The following C1QTNF7 variants were observed in gnomAD, a reference collection of about 807,000 sequenced individuals.
The protein encoded by C1QTNF7 is C1q and TNF related 7.
Under a neutral mutation model 19.6 loss-of-function variants are expected in C1QTNF7, and 15 were observed. That is an observed-to-expected ratio of 0.76 (90% CI 0.51 to 1.18). C1QTNF7 has a LOEUF of 1.18. C1QTNF7 is among the 50% of genes most tolerant of loss of function. The pLI is 0.00. For missense variants in C1QTNF7, 324 were observed against 359.7 expected, an observed-to-expected ratio of 0.90 and a Z score of 0.80; for synonymous variants, 142 against 137.5, an observed-to-expected ratio of 1.03 and a Z score of -0.23.
In C1QTNF7 at chr4:15,345,222, A is replaced by G. The variant is rs566979474; in HGVS notation, c.13+5015A>G. Among the ~76,000 whole-genome samples, 235 of 152,294 alleles carry G rather than the reference A, an allele frequency of 1.5e-3. 2 individuals carry two copies. The highest frequency in any genetic ancestry group is 2.3e-3 in the Non-Finnish European group (159 of 68,026). ...CCTTTAACACTAAGGTCAGGCAAAA[A>G]TCCTGGGAGGCATTTCTTCACACCA... On this transcript the variant is annotated intron_variant, in intron 1 of 2. Transcript: ENST00000295297.
intron 1 of C1QTNF7, among the ~76,000 whole-genome samples, chr4:15,342,766 G>A (rs182792096): frequency 6.6e-6 from 1 of 152,258 alleles, no homozygotes; most frequent in Admixed American, 6.5e-5. Context: ...CACTTTCATG[G>A]GTTATTATTA....
At chr4:15,400,786 C>T (rs990581931) in intron 1 of C1QTNF7, among the ~76,000 whole-genome samples, 2 of 152,224 alleles carry the variant, frequency 1.3e-5, no homozygotes, top group African/African-American at 2.4e-5. Context: ...GGTTTATGTA[C>T]TGATGCATAA....
chr4:15,403,683 T>C (rs1279256274), intron 1 of C1QTNF7, among the ~76,000 whole-genome samples: 1 of 152,202 alleles, frequency 6.6e-6, no homozygotes, highest in Non-Finnish European at 1.5e-5. Flanking sequence ...AAATTAAGTT[T>C]GCATTCACAG....
Position 15,403,709 on chromosome 4 carries a change from G to A in C1QTNF7, c.14-32027G>A, listed in dbSNP as rs557897555. ...GCATTCACAGGTTTGGGGTAGACAC[G>A]TCTTTGAGGGGGCTACTATTCAGCC... On this transcript the variant is annotated intron_variant, in intron 1 of 2. Transcript: ENST00000295297. Among the ~76,000 whole-genome samples the A allele has an allele frequency of 2.0e-5, 3 of 152,108 alleles. No individual in the cohort carries two copies. In the East Asian group the frequency reaches 5.8e-4, roughly 29 times the overall value.
chr4:15,416,447 G>T (rs1344400324), intron 1 of C1QTNF7, among the ~76,000 whole-genome samples: 1 of 152,126 alleles, frequency 6.6e-6, no homozygotes, highest in African/African-American at 2.4e-5. Flanking sequence ...ACTACAAAGT[G>T]CAGGCAAACC....
chr4:15,378,873 C>A (rs890539094), intron 1 of C1QTNF7, among the ~76,000 whole-genome samples: 1 of 152,196 alleles, frequency 6.6e-6, no homozygotes, highest in Non-Finnish European at 1.5e-5. Flanking sequence ...TAGTGGCCTA[C>A]TCAAAATGAA....
At chr4:15,400,228 T>C (rs1327757644) in intron 1 of C1QTNF7, among the ~76,000 whole-genome samples, 1 of 152,240 alleles carries the variant, frequency 6.6e-6, no homozygotes, top group African/African-American at 2.4e-5. Context: ...AATAAACAAC[T>C]TGACTGAAAA....
chr4:15,376,341 C>G (rs150428777), intron 1 of C1QTNF7, among the ~76,000 whole-genome samples: 2 of 152,206 alleles, frequency 1.3e-5, no homozygotes, highest in Non-Finnish European at 2.9e-5. Context: ...GAGCATTTGT[C>G]GTGTGCTGGG....
Position 15,435,719 on chromosome 4 carries a change from G to T in C1QTNF7, c.-8-17G>T, listed in dbSNP as rs1712501500. 6.2e-7 allele frequency: 1 copy of T among 1,613,884 alleles called. No individual in the cohort carries two copies. Among genetic ancestry groups the T allele is most frequent in the Non-Finnish European group, 8.5e-7 (1 of 1,179,810 alleles). On this transcript the variant is annotated splice_polypyrimidine_tract_variant and intron_variant, in intron 1 of 2. Transcript: ENST00000444304. ...CAACACAGAAAGTTCATTTACGTCT[G>T]TGTGTTTCTCTTCCAGAGCCAAAGA...
Position 15,418,479 on chromosome 4 carries a change from C to G in C1QTNF7, c.14-17257C>G, listed in dbSNP as rs1041170647. On this transcript the variant is annotated intron_variant, in intron 1 of 2. Transcript: ENST00000295297. Reference sequence around the variant, plus strand: ...CCGAAGTCCTCTCCTGCCCCAGGGCCCTCTCACATACTGTTCTCCCTCCCT... The same window carrying G: ...CCGAAGTCCTCTCCTGCCCCAGGGCGCTCTCACATACTGTTCTCCCTCCCT... Among the ~76,000 whole-genome samples, 3 of 152,112 alleles carry G rather than the reference C, an allele frequency of 2.0e-5. No individual in the cohort carries two copies. The East Asian group carries it at 5.8e-4, about 29-fold the overall frequency.
chr4:15,423,818 C>T (rs554763515), upstream of C1QTNF7, among the ~76,000 whole-genome samples: 2 of 152,040 alleles, frequency 1.3e-5, no homozygotes, highest in Non-Finnish European at 1.5e-5. Flanking sequence ...TCATGCCTAC[C>T]GTTTCCCCCC....
At chr4:15,356,224 A>T (rs1717142168) in intron 1 of C1QTNF7, among the ~76,000 whole-genome samples, 1 of 151,942 alleles carries the variant, frequency 6.6e-6, no homozygotes, top group African/African-American at 2.4e-5. Flanking sequence ...TACATTAGGT[A>T]TTTCTCCGAA....
intron 1 of C1QTNF7, among the ~76,000 whole-genome samples, chr4:15,408,517 AATGT>A (rs919998930): frequency 1.3e-5 from 2 of 151,994 alleles, no homozygotes; most frequent in African/African-American, 4.8e-5. Context: ...TACAGATAAG[AATGT>A]ATGTATGTAT....
chr4:15,406,368 G>A (rs1234967866), intron 1 of C1QTNF7, among the ~76,000 whole-genome samples: 1 of 152,206 alleles, frequency 6.6e-6, no homozygotes, highest in Non-Finnish European at 1.5e-5. Context: ...AACAGGCTAA[G>A]GGTAGAAGCA....
At chr4:15,342,235 G>A (rs756448150) in intron 1 of C1QTNF7, among the ~76,000 whole-genome samples, 2 of 152,178 alleles carry the variant, frequency 1.3e-5, no homozygotes, top group African/African-American at 4.8e-5. Context: ...AGGGACAAGA[G>A]TGTTAACCAA....
At chr4:15,429,026 A>G (rs1286798831) in intron 1 of C1QTNF7, among the ~76,000 whole-genome samples, 2 of 152,226 alleles carry the variant, frequency 1.3e-5, no homozygotes, top group Non-Finnish European at 2.9e-5. Context: ...TTCTGGCTGC[A>G]CCATTTCATG....
chr4:15,398,688 C>T (rs1227036974), intron 1 of C1QTNF7, among the ~76,000 whole-genome samples: 1 of 152,172 alleles, frequency 6.6e-6, no homozygotes, highest in Admixed American at 6.5e-5. Flanking sequence ...TCTGCAGCAA[C>T]CTCAATTCTT....
chr4:15,386,969 C>G (rs556914953), intron 1 of C1QTNF7, among the ~76,000 whole-genome samples: 1 of 152,090 alleles, frequency 6.6e-6, no homozygotes, highest in Non-Finnish European at 1.5e-5. Flanking sequence ...TGCTGAGTGG[C>G]TTCTACAAGG....
At chr4:15,390,762 T>C (rs1249763557) in intron 1 of C1QTNF7, among the ~76,000 whole-genome samples, 1 of 152,160 alleles carries the variant, frequency 6.6e-6, no homozygotes, top group African/African-American at 2.4e-5. Context: ...AGGAAAGGAA[T>C]TATTAGTCCA....
Sources: gnomAD v4.1 joint callset for allele counts (sites outside exome capture counted in the v4.1 genomes callset) on GRCh38, gnomAD v4.1.1 for gene constraint, MANE v1.5 for transcripts, NCBI Gene and HGNC (gene_info 2026-07-23, HGNC 2026-07-21) for gene names.